Variants in XYLT1 observed in about 807,000 individuals in gnomAD.
XYLT1 encodes the protein xylosyltransferase 1.
A neutral mutation model predicts 91.3 loss-of-function variants in XYLT1; 36 were observed. That is an observed-to-expected ratio of 0.39 (90% confidence interval 0.30 to 0.52). XYLT1 has a LOEUF of 0.52. XYLT1 is among the 20% of genes least tolerant of loss of function. The pLI is 0.68. For synonymous variants in XYLT1, 588 were observed against 532.0 expected (o/e 1.11, Z -1.45); for missense variants, 1,242 against 1,284.5 (o/e 0.97, Z 0.51).
At chr16:17,459,527 G>A (rs971788054) in intron 1 of XYLT1, among the ~76,000 whole-genome samples, 2 of 152,026 alleles carry the variant, frequency 1.3e-5, no homozygotes, top group Admixed American at 6.5e-5. Flanking sequence ...GGATTCCTGG[G>A]GCTCGTTTAG....
rs1472344224 is a variant in XYLT1, at chr16:17,117,669, G to A, written c.2534C>T (p.Ser845Leu). ...TKFLVAPLTFSNRQPIKPEEA... is the reference protein window; with the variant it reads ...TKFLVAPLTFLNRQPIKPEEA... Reference sequence around the variant, plus strand: ...ACCAGGTTTGATGGGCTGCCTGTTCGAGAAGGTCAGAGGCGCAACGAGGAA... The same window carrying A: ...ACCAGGTTTGATGGGCTGCCTGTTCAAGAAGGTCAGAGGCGCAACGAGGAA... Residue 845 changes from serine (S) to leucine (L), a missense_variant, in exon 11 of 12, where the codon TCG becomes TTG. Ser to Leu is a moderately radical substitution (Grantham distance 145, BLOSUM62 -2). Coordinates refer to ENST00000261381, the MANE Select transcript of XYLT1 (RefSeq NM_022166.4). The A allele has an allele frequency of 4.3e-6, 7 of 1,612,202 alleles. No individual in the cohort carries two copies. Among genetic ancestry groups the A allele is most frequent in the Admixed American group, 3.3e-5 (2 of 59,980 alleles).
chr16:17,278,833 T>C (rs1391666760), intron 2 of XYLT1, among the ~76,000 whole-genome samples: 1 of 152,224 alleles, frequency 6.6e-6, no homozygotes, highest in African/African-American at 2.4e-5. Context: ...CTAGGTCTGA[T>C]TCTGAAGCTT....
intron 1 of XYLT1, among the ~76,000 whole-genome samples, chr16:17,382,810 A>C (rs1040087208): frequency 2.6e-5 from 4 of 151,864 alleles, no homozygotes; most frequent in Non-Finnish European, 5.9e-5. Context: ...CGTGCAAGAC[A>C]CTTTAGTGCA....
In XYLT1 at chr16:17,259,379, C is replaced by G. The variant is rs187464543; in HGVS notation, c.522G>C (p.Lys174Asn). 17 of 1,614,112 alleles carry G rather than the reference C, an allele frequency of 1.1e-5. No individual in the cohort carries two copies. The change falls in exon 3 of 12, where the codon AAG (lysine) becomes AAC (asparagine). Residue 174 changes from lysine (K) to asparagine (N), a missense_variant. Around this residue, in one of 3 missense-constraint regions of XYLT1, gnomAD observed 437 missense variants for 411.5 expected, o/e 1.06. Coordinates refer to ENST00000261381, the MANE Select transcript of XYLT1 (RefSeq NM_022166.4). The stretch of plus-strand genomic sequence containing the variant: ...TCGCCAACTCAGGCTGGTGCTTCTG[C>G]TTTTGAGTCCTGGGTGCGAAGTTGC... ...DNSNFAPRTQ[K>N]QKHQPELAKK... is the part of the protein sequence containing the mutation.
intron 2 of XYLT1, among the ~76,000 whole-genome samples, chr16:17,349,983 C>T (rs1409722795): frequency 6.6e-6 from 1 of 152,018 alleles, no homozygotes; most frequent in African/African-American, 2.4e-5. Flanking sequence ...ACGTCATTCT[C>T]CTACCTCAGC....
intron 3 of XYLT1, among the ~76,000 whole-genome samples, chr16:17,203,210 C>G (rs557329831): frequency 6.6e-6 from 1 of 152,190 alleles, no homozygotes; most frequent in Admixed American, 6.5e-5. Context: ...TGTTGCTAAC[C>G]AAATACTTTG....
At chr16:17,395,923 G>C (rs532259772) in intron 1 of XYLT1, among the ~76,000 whole-genome samples, 1 of 152,294 alleles carries the variant, frequency 6.6e-6, no homozygotes, top group South Asian at 2.1e-4. Flanking sequence ...CAGCCAAGGG[G>C]GGCTGTGATG....
intron 1 of XYLT1, among the ~76,000 whole-genome samples, chr16:17,461,233 G>A (rs1261008754): frequency 1.3e-4 from 20 of 152,176 alleles, no homozygotes; most frequent in Admixed American, 1.3e-3. Context: ...AGACCTCAGG[G>A]CTCCCAGGGC....
At chr16:17,464,318 A>C (rs755125747) in intron 1 of XYLT1, among the ~76,000 whole-genome samples, 4 of 152,008 alleles carry the variant, frequency 2.6e-5, no homozygotes, top group Non-Finnish European at 4.4e-5. Flanking sequence ...GCAAAACCTC[A>C]TCTCTACTAA....
intron 5 of XYLT1, among the ~76,000 whole-genome samples, chr16:17,168,809 A>G (rs1191157532): frequency 6.6e-6 from 1 of 152,132 alleles, no homozygotes; most frequent in Admixed American, 6.5e-5. Flanking sequence ...TCCAGGAAGC[A>G]GCTGCAGGAT....
chr16:17,148,757 A>C (rs1443289744), intron 6 of XYLT1, among the ~76,000 whole-genome samples: 2 of 152,182 alleles, frequency 1.3e-5, no homozygotes, highest in East Asian at 3.9e-4. Context: ...GCCCTGATTC[A>C]CCATAGTCCC....
chr16:17,162,882 T>G (rs935680247), intron 5 of XYLT1, among the ~76,000 whole-genome samples: 10 of 152,274 alleles, frequency 6.6e-5, no homozygotes, highest in Non-Finnish European at 1.0e-4. Flanking sequence ...CTGCTCCTCA[T>G]GGTTTCTTCT....
At position 17,461,466 on chromosome 16, in the gene XYLT1, G is replaced by A. The variant is rs1430341995; in HGVS notation, c.363+8968C>T. ...CACATTGGTCCTGTTCACCAAGGTGGTTCCAGTGCTGGACACAGGGACTGG... is the reference window on the plus strand; with the variant it reads ...CACATTGGTCCTGTTCACCAAGGTGATTCCAGTGCTGGACACAGGGACTGG... On this transcript the variant is annotated intron_variant, in intron 1 of 11. Transcript: ENST00000261381. Among the ~76,000 whole-genome samples, 4 of 152,364 alleles carry A rather than the reference G, an allele frequency of 2.6e-5. No homozygotes were observed. In the East Asian group the frequency reaches 7.7e-4, roughly 29 times the overall value.
rs559394618 is a variant in XYLT1, at chr16:17,396,599, G to A, written c.364-38549C>T. 6.6e-5 allele frequency among the ~76,000 whole-genome samples: 10 copies of A among 152,270 alleles called. No homozygotes were observed. The South Asian group carries it at 1.2e-3, about 19-fold the overall frequency. On this transcript the variant is annotated intron_variant, in intron 1 of 11. Coordinates refer to ENST00000261381, the MANE Select transcript of XYLT1 (RefSeq NM_022166.4). Reference sequence around the variant, plus strand: ...TAAAAAAGCTATCTAGGCTGGGCGCGGTGGCTCACGCCTATAATCCCAACA... The same window carrying A: ...TAAAAAAGCTATCTAGGCTGGGCGCAGTGGCTCACGCCTATAATCCCAACA...
chr16:17,368,914 C>T (rs57543944), intron 1 of XYLT1, among the ~76,000 whole-genome samples: 31,848 of 151,722 alleles, frequency 0.21, 5,098 homozygotes, highest in African/African-American at 0.45. Context: ...TTAAGTATTT[C>T]CTTGTTCCTG....
chr16:17,421,031 TC>T (rs1452232638), intron 1 of XYLT1, among the ~76,000 whole-genome samples: 1 of 152,162 alleles, frequency 6.6e-6, no homozygotes, highest in Non-Finnish European at 1.5e-5. Flanking sequence ...AATATCGGCT[TC>T]CCTTCTGCCA....
chr16:17,348,065 A>C (rs576455406), intron 2 of XYLT1, among the ~76,000 whole-genome samples: 28 of 152,236 alleles, frequency 1.8e-4, no homozygotes, highest in African/African-American at 6.5e-4. Flanking sequence ...GGCCAAAGCA[A>C]AGAAAAGTCC....
At position 17,233,500 on chromosome 16, in the gene XYLT1, C is replaced by G. The variant is rs76758910; in HGVS notation, c.913+25488G>C. Among the ~76,000 whole-genome samples the G allele has an allele frequency of 9.3e-3, 1,417 of 152,362 alleles. 28 individuals carry two copies. The highest frequency in any genetic ancestry group is 0.032 in the African/African-American group (1,342 of 41,584). On this transcript the variant is annotated intron_variant, in intron 3 of 11. Transcript: ENST00000261381. ...GGTGTGGTGCAGGGCTCTGCGCATA[C>G]TAAGCGGCCTGCAGACGCGCCCTGC...
intron 3 of XYLT1, among the ~76,000 whole-genome samples, chr16:17,201,695 G>A (rs1019178225): frequency 6.6e-6 from 1 of 151,848 alleles, no homozygotes; most frequent in Non-Finnish European, 1.5e-5. Flanking sequence ...GGCTGGTCTC[G>A]GAACTCCTGA....
Sources: allele counts gnomAD v4.1 joint callset (sites outside exome capture counted in the v4.1 genomes callset), GRCh38; gene constraint gnomAD v4.1.1; regional missense constraint gnomAD v4.1.1; transcripts MANE v1.5; gene names NCBI Gene and HGNC (gene_info 2026-07-23, HGNC 2026-07-21).